TMC1: variants seen among roughly 807,000 people sequenced by gnomAD.
The protein encoded by TMC1 is transmembrane channel-like protein 1.
A neutral mutation model predicts 105.8 loss-of-function variants in TMC1; 84 were observed. That is an observed-to-expected ratio of 0.79 (90% CI 0.67 to 0.95). The LOEUF (loss-of-function observed/expected upper bound fraction) is 0.95. TMC1 is among the 40% of genes least tolerant of loss of function. The pLI is 0.00. For synonymous variants in TMC1, 315 were observed against 311.5 expected (o/e 1.01, Z -0.12); for missense variants, 817 against 914.1 (o/e 0.89, Z 1.37).
chr9:72,637,324 C>T (rs1035219101), intron 4 of TMC1, among the ~76,000 whole-genome samples: 9 of 151,544 alleles, frequency 5.9e-5, no homozygotes, highest in Non-Finnish European at 1.3e-4. Flanking sequence ...TTTTCACTTA[C>T]CAAAACTCTC....
intron 13 of TMC1, among the ~76,000 whole-genome samples, chr9:72,776,617 T>G (rs1370313536): frequency 6.6e-6 from 1 of 152,320 alleles, no homozygotes; most frequent in Non-Finnish European, 1.5e-5. Flanking sequence ...CCTTGCCACC[T>G]CTCTGTACTG....
intron 1 of TMC1, among the ~76,000 whole-genome samples, chr9:72,553,795 T>C (rs1823891499): frequency 6.6e-6 from 1 of 152,210 alleles, no homozygotes; most frequent in Admixed American, 6.5e-5. Flanking sequence ...TTAGAGATCA[T>C]GCCACCAGTT....
rs375984349 is a variant in TMC1 at position 72,742,473 on chromosome 9, G to A, written c.483G>A (p.Glu161=). The A allele has an allele frequency of 8.1e-6, 13 of 1,613,976 alleles. No homozygotes were observed. In the African/African-American group the frequency reaches 1.6e-4, roughly 20 times the overall value. The change falls in exon 10 of 24, where the codon GAG becomes GAA. Residue 161 remains glutamate (E), a synonymous_variant. Transcript: ENST00000297784. ...KKWAKFLRDF[E]NFKAACVPWE... is the part of the protein sequence containing the mutation. ...GGGCAAAATTCCTCCGTGATTTTGA[G>A]AACTTCAAAGCTGCGTGTGTCCCAT...
At chr9:72,564,005 C>A (rs115330846) in intron 1 of TMC1, among the ~76,000 whole-genome samples, 5,528 of 151,658 alleles carry the variant, frequency 0.036, 134 homozygotes, top group Middle Eastern at 0.088. Flanking sequence ...ACATATGGCA[C>A]TCTTGAATTG....
At chr9:72,626,202 G>C (rs546676879) in intron 3 of TMC1, among the ~76,000 whole-genome samples, 1 of 152,318 alleles carries the variant, frequency 6.6e-6, no homozygotes, top group Admixed American at 6.5e-5. Context: ...AGGGAGAACT[G>C]CTTTGCTGAA....
At chr9:72,773,887 G>A (rs1827969029) in intron 13 of TMC1, among the ~76,000 whole-genome samples, 1 of 152,166 alleles carries the variant, frequency 6.6e-6, no homozygotes, top group Non-Finnish European at 1.5e-5. Flanking sequence ...ATCATTAACA[G>A]ATGGCTCAAC....
intron 8 of TMC1, among the ~76,000 whole-genome samples, chr9:72,730,668 A>G (rs139284459): frequency 3.9e-5 from 6 of 152,320 alleles, no homozygotes; most frequent in African/African-American, 1.4e-4. Context: ...ATTCAAGTGC[A>G]TTACATTTAT....
At chr9:72,830,402 G>A (rs774287432) in intron 21 of TMC1, 49 bp from the exon 22 acceptor site, 1 of 1,251,474 alleles carries the variant, frequency 8.0e-7, no homozygotes. Context: ...GAAGTATCTT[G>A]GGGAACTGAA....
At chr9:72,807,200 G>C (rs1165878048) in intron 18 of TMC1, among the ~76,000 whole-genome samples, 1 of 152,224 alleles carries the variant, frequency 6.6e-6, no homozygotes, top group Non-Finnish European at 1.5e-5. Flanking sequence ...CGAGATGGCA[G>C]CAGTACAGTC....
At chr9:72,757,809 T>G (rs1827696517) in intron 12 of TMC1, among the ~76,000 whole-genome samples, 1 of 152,198 alleles carries the variant, frequency 6.6e-6, no homozygotes, top group Non-Finnish European at 1.5e-5. Flanking sequence ...GCTCAATTTC[T>G]AAATATTCCT....
At chr9:72,710,420 C>T (rs189490330) in intron 8 of TMC1, among the ~76,000 whole-genome samples, 10 of 152,240 alleles carry the variant, frequency 6.6e-5, no homozygotes, top group Middle Eastern at 3.4e-3. Flanking sequence ...TCTTGATGAC[C>T]TGTCTAGTGC....
intron 8 of TMC1, among the ~76,000 whole-genome samples, chr9:72,719,851 G>A (rs2117942140): frequency 6.6e-6 from 1 of 152,236 alleles, no homozygotes; most frequent in Middle Eastern, 3.4e-3. Flanking sequence ...GAGTATATAG[G>A]CAATTAATGC....
At chr9:72,704,354 A>G (rs773633830) in intron 8 of TMC1, among the ~76,000 whole-genome samples, 4 of 152,172 alleles carry the variant, frequency 2.6e-5, no homozygotes, top group Non-Finnish European at 5.9e-5. Context: ...TATTTTAGAC[A>G]GTGTCAGGGT....
chr9:72,603,699 G>A lies in TMC1; in HGVS notation c.-305-12669G>A, dbSNP rs368129432. On this transcript the variant is annotated intron_variant, in intron 2 of 23. Transcript: ENST00000297784. Reference sequence around the variant, plus strand: ...TGAGTAGCTGGGATTACAGGCCCCCGCCACCATGTCCAGCTAGTTTTTGTA... The same window carrying A: ...TGAGTAGCTGGGATTACAGGCCCCCACCACCATGTCCAGCTAGTTTTTGTA... 1.1e-4 allele frequency among the ~76,000 whole-genome samples: 17 copies of A among 151,684 alleles called. No individual in the cohort carries two copies. In the East Asian group the frequency reaches 1.2e-3, roughly 10 times the overall value.
chr9:72,611,821 T>C (rs77085838), intron 2 of TMC1, among the ~76,000 whole-genome samples: 6,417 of 152,268 alleles, frequency 0.042, 203 homozygotes, highest in Middle Eastern at 0.095. Flanking sequence ...AAGACCACCC[T>C]GTGTTGATCT....
At chr9:72,786,509 T>C (rs1828171084) in intron 13 of TMC1, among the ~76,000 whole-genome samples, 1 of 152,136 alleles carries the variant, frequency 6.6e-6, no homozygotes, top group African/African-American at 2.4e-5. Flanking sequence ...ACAACATATA[T>C]GCTAGAATTG....
chr9:72,561,857 C>T (rs1447393679), intron 1 of TMC1, among the ~76,000 whole-genome samples: 1 of 152,098 alleles, frequency 6.6e-6, no homozygotes, highest in African/African-American at 2.4e-5. Context: ...AGGCCCCAAA[C>T]CGGAGCGGGG....
In TMC1 at chr9:72,750,164, G is replaced by A. The variant is rs113441216; in HGVS notation, c.536-1686G>A. ...CCAGAAATAGAGGTGTTACTGTCCT[G>A]TGAGGCCGGCCTCATCTAAGTAAGT... On this transcript the variant is annotated intron_variant, in intron 10 of 23. Coordinates refer to ENST00000297784, the MANE Select transcript of TMC1 (RefSeq NM_138691.3). 9.2e-3 allele frequency among the ~76,000 whole-genome samples: 1,407 copies of A among 152,270 alleles called. 17 individuals are homozygous for A. Among genetic ancestry groups the A allele is most frequent in the African/African-American group, 0.033 (1,356 of 41,556 alleles).
At chr9:72,779,501 C>A (rs537716000) in intron 13 of TMC1, among the ~76,000 whole-genome samples, 2 of 152,104 alleles carry the variant, frequency 1.3e-5, no homozygotes, top group Non-Finnish European at 2.9e-5. Context: ...AAACCCAATA[C>A]GATGAACCTA....
Sources: gnomAD v4.1 joint callset for allele counts (sites outside exome capture counted in the v4.1 genomes callset) on GRCh38, gnomAD v4.1.1 for gene constraint, MANE v1.5 for transcripts, NCBI Gene and HGNC (gene_info 2026-07-23, HGNC 2026-07-21) for gene names.